MSH5: variants seen among roughly 807,000 people sequenced by gnomAD.
The protein encoded by MSH5 is mutS protein homolog 5.
In MSH5, 78 loss-of-function variants were observed where a neutral mutation model predicts 107.7. That is an observed-to-expected ratio of 0.72 (90% CI 0.60 to 0.87). The LOEUF is 0.87. Among genes scored for constraint, MSH5 ranks in the 40% least tolerant of loss-of-function variants. The pLI, the probability that MSH5 is intolerant of heterozygous loss-of-function variation, is 0.00. For synonymous variants in MSH5, 326 were observed against 399.5 expected (o/e 0.82, Z 2.19); for missense variants, 889 against 1,046.6 (o/e 0.85, Z 2.08).
intron 10 of MSH5, 132 bp downstream of exon 10, chr6:31,747,564 C>T (rs1809574796): frequency 2.4e-6 from 2 of 846,964 alleles, no homozygotes; most frequent in Non-Finnish European, 3.8e-6. Flanking sequence ...AGCAACTGCC[C>T]TTTACTGAGC....
At position 31,760,902 on chromosome 6, in the gene MSH5, A is replaced by T; in HGVS notation, c.1962+63A>T. ...GATAATGGGAAAGGAACCCCTGAAA[A>T]TGCTCATAACAGGAAAGCATGCCCT... On this transcript the variant is annotated intron_variant, in intron 20 of 24. Transcript: ENST00000375750. The surrounding 1 kb of genome is among the most constrained non-coding windows in gnomAD (Gnocchi z 5.6). The T allele has an allele frequency of 6.4e-7, 1 of 1,551,410 alleles. No homozygotes were observed. The highest frequency in any genetic ancestry group is 8.8e-7 in the Non-Finnish European group (1 of 1,142,538).
In MSH5 at chr6:31,753,343, T is replaced by G. The variant is rs200237441; in HGVS notation, c.855T>G (p.Ser285Arg). 45 of 1,614,000 alleles carry G rather than the reference T, an allele frequency of 2.8e-5. No homozygotes were observed. Among genetic ancestry groups the G allele is most frequent in the Non-Finnish European group, 3.6e-5 (43 of 1,180,020 alleles). The change falls in exon 11 of 25, where the codon AGT becomes AGG. Residue 285 changes from serine (S) to arginine (R), a missense_variant. By Grantham distance (110) the Ser-to-Arg change is moderately radical. Coordinates refer to ENST00000375750, the MANE Select transcript of MSH5 (RefSeq NM_172166.4). Reference protein sequence around the residue: ...TRPTHDLGELSSRLDVIQFFL... With the variant: ...TRPTHDLGELRSRLDVIQFFL... ...CGACTCATGACCTGGGGGAGCTCAG[T>G]TCTCGTCTGGACGTCATTCAGTTTT... is the stretch of plus-strand genomic sequence containing the variant.
In MSH5 at chr6:31,760,274, A is replaced by G; in HGVS notation, c.1812+58A>G. On this transcript the variant is annotated intron_variant, in intron 19 of 24. Coordinates refer to ENST00000375750, the MANE Select transcript of MSH5 (RefSeq NM_172166.4). This position sits in a 1 kb window ranked among gnomAD's most constrained non-coding sequence, Gnocchi z 5.6. The stretch of plus-strand genomic sequence containing the variant: ...CGTCTCCTGCATCTACTCCACCCCT[A>G]CTTGCCAGCCAACTCAGGCTCCTGC... The G allele has an allele frequency of 6.6e-7, 1 of 1,518,902 alleles. No individual in the cohort carries two copies. The highest frequency in any genetic ancestry group is 8.8e-7 in the Non-Finnish European group (1 of 1,137,458). 94.1% of individuals were successfully genotyped at this position (1,518,902 alleles called of 1,614,324 possible). A position where few individuals can be genotyped will look rare whatever the true frequency, so the allele number is the denominator to read the frequency against.
At chr6:31,756,042 C>T (rs1810416185) in intron 12 of MSH5, among the ~76,000 whole-genome samples, 1 of 148,700 alleles carries the variant, frequency 6.7e-6, no homozygotes, top group African/African-American at 2.4e-5. Flanking sequence ...TGATTAGGTT[C>T]AGAGTTTTTT....
At position 31,759,274 on chromosome 6, in the gene MSH5, C is replaced by G; in HGVS notation, c.1407+97C>G. 3 of 1,368,048 alleles carry G rather than the reference C, an allele frequency of 2.2e-6. No individual in the cohort carries two copies. The highest frequency in any genetic ancestry group is 1.7e-5 in the Admixed American group (1 of 59,432). The allele number at this position is 1,368,048 out of a possible 1,614,324, so 84.7% of individuals were successfully genotyped here. On this transcript the variant is annotated intron_variant, in intron 16 of 24. Coordinates refer to ENST00000375750, the MANE Select transcript of MSH5 (RefSeq NM_172166.4). The surrounding 1 kb of genome is among the most constrained non-coding windows in gnomAD (Gnocchi z 4.7). ...ACAGCAGCACTGCCCAATATGGGATCTCTCCTCTGTAGTTTTACTCTGAGC... is the reference window on the plus strand; with the variant it reads ...ACAGCAGCACTGCCCAATATGGGATGTCTCCTCTGTAGTTTTACTCTGAGC...
At chr6:31,743,209 G>A (rs370974217) in intron 5 of MSH5, 39 bp downstream of exon 5, 16 of 1,595,324 alleles carry the variant, frequency 1.0e-5, no homozygotes, top group East Asian at 2.2e-5. Flanking sequence ...TCCCTGTTCC[G>A]GTGTCCCATT....
chr6:31,760,938 C>A lies in MSH5; in HGVS notation c.1962+99C>A, dbSNP rs935953455. On this transcript the variant is annotated intron_variant, in intron 20 of 24. Transcript: ENST00000375750. The surrounding 1 kb of genome is among the most constrained non-coding windows in gnomAD (Gnocchi z 5.6). Reference sequence around the variant, plus strand: ...AGGAAAGCATGCCCTCTGCTGCATGCCCTTTATACTAAAAGTGGGGAGCAC... The same window carrying A: ...AGGAAAGCATGCCCTCTGCTGCATGACCTTTATACTAAAAGTGGGGAGCAC... 9 of 1,355,786 alleles carry A rather than the reference C, an allele frequency of 6.6e-6. No homozygotes were observed. Among genetic ancestry groups the A allele is most frequent in the Middle Eastern group, 2.2e-4 (1 of 4,650 alleles). 84.0% of individuals were successfully genotyped at this position (1,355,786 alleles called of 1,614,324 possible). A position where few individuals can be genotyped will look rare whatever the true frequency, so the allele number is the denominator to read the frequency against.
At chr6:31,754,218 C>T (rs1444018452) in intron 12 of MSH5, among the ~76,000 whole-genome samples, 3 of 150,372 alleles carry the variant, frequency 2.0e-5, no homozygotes, top group South Asian at 2.1e-4. Flanking sequence ...GGTGCGATCT[C>T]GGCTCACTGC....
intron 12 of MSH5, among the ~76,000 whole-genome samples, chr6:31,754,402 G>A (rs1472374690): frequency 3.3e-5 from 5 of 152,068 alleles, no homozygotes; most frequent in Non-Finnish European, 5.9e-5. Context: ...TGCCCATCTC[G>A]GCCTCCCAAA....
Position 31,741,336 on chromosome 6 carries a change from TACACACACACACACACACACACAC to T in MSH5, c.271+74_271+97del, listed in dbSNP as rs9279401. The T allele has an allele frequency of 1.0e-3, 930 of 897,458 alleles. 1 individual carries two copies. Among genetic ancestry groups the T allele is most frequent in the Middle Eastern group, 3.4e-3 (8 of 2,360 alleles). The allele number at this position is 897,458 out of a possible 1,614,324, so 55.6% of individuals were successfully genotyped here. A position where few individuals can be genotyped will look rare whatever the true frequency, so the allele number is the denominator to read the frequency against. On this transcript the variant is annotated intron_variant, in intron 3 of 24. Coordinates refer to ENST00000375750, the MANE Select transcript of MSH5 (RefSeq NM_172166.4). Reference sequence around the variant, plus strand: ...CTGCTCTCTGGGATTGCAGATGTGTTACACACACACACACACACACACACACACACACACACACACACACACATA... The same window carrying T: ...CTGCTCTCTGGGATTGCAGATGTGTTACACACACACACACACACACACATA...
chr6:31,762,262 C>T, intron 24 of MSH5, 77 bp downstream of exon 24: 2 of 1,520,930 alleles, frequency 1.3e-6, no homozygotes, highest in Non-Finnish European at 1.8e-6. Context: ...AGGGACTCAG[C>T]CTTCCTCCAG....
At chr6:31,741,871 G>T (rs568772638) in intron 3 of MSH5, among the ~76,000 whole-genome samples, 8 of 152,270 alleles carry the variant, frequency 5.3e-5, no homozygotes, top group African/African-American at 1.9e-4. Flanking sequence ...ACTCATGGAA[G>T]AAGGGAAGGC....
chr6:31,762,246 C>T, intron 24 of MSH5, 61 bp downstream of exon 24: 3 of 1,566,286 alleles, frequency 1.9e-6, no homozygotes, highest in Non-Finnish European at 2.6e-6. Flanking sequence ...CTCTTCTCCC[C>T]TTTTCAGGGA....
chr6:31,760,877 G>A lies in MSH5; in HGVS notation c.1962+38G>A. On this transcript the variant is annotated intron_variant, in intron 20 of 24. Transcript: ENST00000375750. The surrounding 1 kb of genome is among the most constrained non-coding windows in gnomAD (Gnocchi z 5.6). Reference sequence around the variant, plus strand: ...AAAGGGAGGTGGGATTGAGGAAGGGGATAATGGGAAAGGAACCCCTGAAAA... The same window carrying A: ...AAAGGGAGGTGGGATTGAGGAAGGGAATAATGGGAAAGGAACCCCTGAAAA... 1 of 1,595,956 alleles carries A rather than the reference G, an allele frequency of 6.3e-7. No homozygotes were observed. The highest frequency in any genetic ancestry group is 8.6e-7 in the Non-Finnish European group (1 of 1,169,404).
chr6:31,741,038 C>T, intron 2 of MSH5, 125 bp from the exon 3 acceptor site: 2 of 1,244,480 alleles, frequency 1.6e-6, no homozygotes, highest in Non-Finnish European at 2.2e-6. Context: ...GTTTCACATT[C>T]ACTAAATGGG....
At chr6:31,755,242 G>A (rs1810343404) in intron 12 of MSH5, among the ~76,000 whole-genome samples, 1 of 151,910 alleles carries the variant, frequency 6.6e-6, no homozygotes, top group African/African-American at 2.4e-5. Context: ...GCCTCAAACT[G>A]TTGGGCTCAA....
chr6:31,740,974 A>G lies in MSH5; in HGVS notation c.148-189A>G, dbSNP rs1007104895. On this transcript the variant is annotated intron_variant, in intron 2 of 24. Transcript: ENST00000375750. This position sits in a 1 kb window ranked among gnomAD's most constrained non-coding sequence, Gnocchi z 4.4. Reference sequence around the variant, plus strand: ...AGACTCCGTCTCAAAGAAAGAAAGAAAAAAAAAACAGGGTTGGGAAGAGCT... The same window carrying G: ...AGACTCCGTCTCAAAGAAAGAAAGAGAAAAAAAACAGGGTTGGGAAGAGCT... Among the ~76,000 whole-genome samples, 1 of 150,278 alleles carries G rather than the reference A, an allele frequency of 6.7e-6. No homozygotes were observed. The highest frequency in any genetic ancestry group is 1.5e-5 in the Non-Finnish European group (1 of 67,816).
chr6:31,761,372 A>G lies in MSH5; in HGVS notation c.2038-100A>G, dbSNP rs1810976348. Reference sequence around the variant, plus strand: ...TGGAATGGAATAGGGCTGTGTGGGCAGAAAAGAAATAGAACACGAGACAGG... The same window carrying G: ...TGGAATGGAATAGGGCTGTGTGGGCGGAAAAGAAATAGAACACGAGACAGG... On this transcript the variant is annotated intron_variant, in intron 21 of 24. Coordinates refer to ENST00000375750, the MANE Select transcript of MSH5 (RefSeq NM_172166.4). The surrounding 1 kb of genome is among the most constrained non-coding windows in gnomAD (Gnocchi z 5.3). 1 of 1,604,674 alleles carries G rather than the reference A, an allele frequency of 6.2e-7. No individual in the cohort carries two copies. The highest frequency in any genetic ancestry group is 1.3e-5 in the African/African-American group (1 of 74,706).
In MSH5 at chr6:31,740,166, C is replaced by G. The variant is rs1808705377; in HGVS notation, c.-14+104C>G. 2 of 316,732 alleles carry G rather than the reference C, an allele frequency of 6.3e-6. No individual in the cohort carries two copies. Among genetic ancestry groups the G allele is most frequent in the African/African-American group, 2.2e-5 (1 of 46,440 alleles). 19.6% of individuals were successfully genotyped at this position (316,732 alleles called of 1,614,324 possible). ...GGCGCGTGGTTGGCAGAGGCAGAGA[C>G]ATAAGACGTGCACGACTCGCCCCAC... is the stretch of plus-strand genomic sequence containing the variant. On this transcript the variant is annotated intron_variant, in intron 1 of 24. Coordinates refer to ENST00000375750, the MANE Select transcript of MSH5 (RefSeq NM_172166.4). The surrounding 1 kb of genome is among the most constrained non-coding windows in gnomAD (Gnocchi z 4.4).
Sources: gnomAD v4.1 joint callset for allele counts (sites outside exome capture counted in the v4.1 genomes callset) on GRCh38, gnomAD v4.1.1 for gene constraint, Gnocchi (gnomAD v3.1) non-coding constraint, MANE v1.5 for transcripts, NCBI Gene and HGNC (gene_info 2026-07-23, HGNC 2026-07-21) for gene names.